C7: variants seen among roughly 807,000 people sequenced by gnomAD.
C7 encodes the protein complement C7.
Under a neutral mutation model 104.8 loss-of-function variants are expected in C7, and 83 were observed. That is an observed-to-expected ratio of 0.79 (90% CI 0.66 to 0.95). The LOEUF (loss-of-function observed/expected upper bound fraction) is 0.95, where lower values mean the gene tolerates loss of function less well. Among genes scored for constraint, C7 ranks in the 40% least tolerant of loss-of-function variants. C7 has a pLI of 0.00. For synonymous variants in C7, 415 were observed against 360.6 expected (o/e 1.15, Z -1.71); for missense variants, 1,070 against 1,011.2 (o/e 1.06, Z -0.79).
At chr5:40,941,654 A>G (rs1195287938) in intron 6 of C7, among the ~76,000 whole-genome samples, 3 of 152,068 alleles carry the variant, frequency 2.0e-5, no homozygotes, top group South Asian at 4.2e-4. Flanking sequence ...GCCTGAGAAA[A>G]CTTGGTGAGC....
intron 1 of C7, among the ~76,000 whole-genome samples, chr5:40,920,409 T>C (rs2111621158): frequency 6.6e-6 from 1 of 152,052 alleles, no homozygotes; most frequent in South Asian, 2.1e-4. Flanking sequence ...TAAATATAAA[T>C]ATCTGTTTTA....
intron 9 of C7, chr5:40,954,808 T>TG (rs1481472194): frequency 2.0e-5 from 3 of 146,730 alleles, no homozygotes; most frequent in East Asian, 4.8e-4. Flanking sequence ...TGCTTGAACC[T>TG]GGGGGGCAGA....
intron 9 of C7, among the ~76,000 whole-genome samples, chr5:40,951,025 T>C (rs1740158413): frequency 6.6e-6 from 1 of 152,110 alleles, no homozygotes; most frequent in South Asian, 2.1e-4. Context: ...TAAGTAAAGT[T>C]GTAGAGAATA....
intron 14 of C7, among the ~76,000 whole-genome samples, chr5:40,968,592 ATATATATATTTTTTTTTTTTTTTTTT>A (rs1740618889): frequency 3.2e-4 from 11 of 34,014 alleles, no homozygotes; most frequent in Admixed American, 7.9e-4. Context: ...ATATATATAT[ATATATATATTTTTTTTTTTTTTTTTT>A]TTTTTTTTTT....
intron 14 of C7, among the ~76,000 whole-genome samples, chr5:40,971,796 T>A (rs1298743098): frequency 6.6e-6 from 1 of 152,176 alleles, no homozygotes; most frequent in Admixed American, 6.5e-5. Context: ...GTTTCTGTTT[T>A]CTGCATATGG....
rs1381374646 is a variant in C7 at position 40,959,514 on chromosome 5, A to G, written c.1555A>G (p.Arg519Gly). 5 of 1,611,602 alleles carry G rather than the reference A, an allele frequency of 3.1e-6. No individual in the cohort carries two copies. Among genetic ancestry groups the G allele is most frequent in the Non-Finnish European group, 4.2e-6 (5 of 1,179,380 alleles). Residue 519 changes from arginine to glycine, a missense_variant, in exon 12 of 18, where the codon AGA becomes GGA. Arg to Gly is a moderately radical substitution (Grantham distance 125). Coordinates refer to ENST00000313164, the MANE Select transcript of C7 (RefSeq NM_000587.4). ...CCCCTGTGTCCAAGGGAAGAAAACA[A>G]GAAGCCGTGAATGCAATAACCCACC... The part of the protein sequence containing the change: ...WSPCVQGKKT[R>G]SRECNNPPPS...
chr5:40,966,360 A>G (rs775606481), intron 14 of C7, among the ~76,000 whole-genome samples: 3 of 151,314 alleles, frequency 2.0e-5, no homozygotes, highest in Non-Finnish European at 2.9e-5. Flanking sequence ...AGAACATGCA[A>G]TGTTTGGTTT....
At chr5:40,944,348 C>T (rs539133771) in intron 6 of C7, among the ~76,000 whole-genome samples, 1 of 152,254 alleles carries the variant, frequency 6.6e-6, no homozygotes, top group Admixed American at 6.5e-5. Flanking sequence ...CATGAAGAGT[C>T]AAATTTATCC....
At chr5:40,951,305 C>G (rs1561249613) in intron 9 of C7, among the ~76,000 whole-genome samples, 3 of 151,882 alleles carry the variant, frequency 2.0e-5, no homozygotes, top group Non-Finnish European at 4.4e-5. Flanking sequence ...ATATTTTTTC[C>G]CATTTTGTGG....
intron 9 of C7, chr5:40,954,877 CAAAAAAAAAA>C (rs35360366): frequency 1.8e-4 from 10 of 54,660 alleles, no homozygotes; most frequent in African/African-American, 4.3e-4. Context: ...AATACTGTCT[CAAAAAAAAAA>C]AAAAAAAAAA....
chr5:40,910,785 C>T (rs555369895), intron 1 of C7, among the ~76,000 whole-genome samples: 14 of 136,632 alleles, frequency 1.0e-4, no homozygotes, highest in Non-Finnish European at 1.2e-4. Context: ...AGGTGAGACT[C>T]TCTCTCAAAA....
At chr5:40,914,018 A>C (rs1327018881) in intron 1 of C7, among the ~76,000 whole-genome samples, 2 of 152,164 alleles carry the variant, frequency 1.3e-5, no homozygotes, top group African/African-American at 4.8e-5. Flanking sequence ...TTGTAGAGAC[A>C]GAGTCTTACT....
At position 40,942,647 on chromosome 5, in the gene C7, GA is replaced by G. The variant is rs751777225; in HGVS notation, c.568-2550del. ...AAATAGGTACTGTAGAGAATGGGAG[GA>G]GGGAACTGACTAGAGAAATAAAGTA... On this transcript the variant is annotated intron_variant, in intron 6 of 17. Transcript: ENST00000313164. 9.6e-4 allele frequency among the ~76,000 whole-genome samples: 146 copies of G among 152,176 alleles called. 1 individual carries two copies. Among genetic ancestry groups the G allele is most frequent in the Non-Finnish European group, 1.7e-3 (119 of 68,002 alleles).
At position 40,918,554 on chromosome 5, in the gene C7, T is replaced by C. The variant is rs1739371983; in HGVS notation, c.6+8938T>C. Among the ~76,000 whole-genome samples the C allele has an allele frequency of 1.3e-5, 2 of 152,172 alleles. 1 individual carries two copies. The highest frequency in any genetic ancestry group is 4.2e-4 in the South Asian group (2 of 4,814). On this transcript the variant is annotated intron_variant, in intron 1 of 17. Coordinates refer to ENST00000313164, the MANE Select transcript of C7 (RefSeq NM_000587.4). ...CAACTATACGTTACCTGCAGGAAAC[T>C]CACCTCACTTTTAAGGGCACACAGA...
Position 40,947,718 on chromosome 5 carries a change from T to C in C7, c.855T>C (p.Ser285=). The change falls in exon 8 of 18, where the codon TCT becomes TCC. Residue 285 remains serine, a synonymous_variant. Transcript: ENST00000313164. ...PFWKELSHLP[S]LYDYSAYRRL... ...GGAAGGAGCTTTCCCACCTCCCCTC[T>C]CTGTATGACTACAGTGCCTACCGAA... is the stretch of plus-strand genomic sequence containing the variant. 1 of 1,613,762 alleles carries C rather than the reference T, an allele frequency of 6.2e-7. No homozygotes were observed. Among genetic ancestry groups the C allele is most frequent in the Non-Finnish European group, 8.5e-7 (1 of 1,179,780 alleles).
chr5:40,957,918 C>G lies in C7; in HGVS notation c.1261-115C>G, dbSNP rs773235137. On this transcript the variant is annotated intron_variant, in intron 10 of 17. Coordinates refer to ENST00000313164, the MANE Select transcript of C7 (RefSeq NM_000587.4). ...GTATTTGCATAAGAAACAATTGTAA[C>G]AAACTTGCCCGTGGCTTTTGATTTT... is the stretch of plus-strand genomic sequence containing the variant. 63 of 621,236 alleles carry G rather than the reference C, an allele frequency of 1.0e-4. 1 individual carries two copies. The highest frequency in any genetic ancestry group is 9.6e-4 in the African/African-American group (52 of 54,234). The allele number at this position is 621,236 out of a possible 1,614,324, so 38.5% of individuals were successfully genotyped here.
At chr5:40,935,867 G>A (rs537690028) in intron 4 of C7, among the ~76,000 whole-genome samples, 9 of 152,178 alleles carry the variant, frequency 5.9e-5, no homozygotes, top group African/African-American at 1.4e-4. Flanking sequence ...ATTCATATTC[G>A]TATCCTAGCC....
At chr5:40,978,360 A>G (rs889333576) in intron 16 of C7, among the ~76,000 whole-genome samples, 9 of 152,104 alleles carry the variant, frequency 5.9e-5, no homozygotes, top group Admixed American at 2.6e-4. Flanking sequence ...TTTGCTGCTA[A>G]TCTTTAATAA....
chr5:40,924,277 T>G (rs980419914), intron 1 of C7, among the ~76,000 whole-genome samples: 7 of 152,088 alleles, frequency 4.6e-5, no homozygotes, highest in African/African-American at 1.4e-4. Flanking sequence ...ATCCTAAAGC[T>G]TCAAAATAAT....
Sources: gnomAD v4.1 joint callset for allele counts (sites outside exome capture counted in the v4.1 genomes callset) on GRCh38, gnomAD v4.1.1 for gene constraint, MANE v1.5 for transcripts, NCBI Gene and HGNC (gene_info 2026-07-23, HGNC 2026-07-21) for gene names.